Variants in GALNS observed in about 807,000 individuals in gnomAD.
The protein encoded by GALNS is galactosamine (N-acetyl)-6-sulfatase, also known as N-acetylgalactosamine-6-sulfatase.
A neutral mutation model predicts 65.9 loss-of-function variants in GALNS; 65 were observed. The observed-to-expected ratio is 0.99, with a 90% confidence interval of 0.81 to 1.21. The LOEUF is 1.21. Ranked by LOEUF, GALNS falls within the 50% of genes most tolerant of loss-of-function variation. GALNS has a pLI of 0.00. For synonymous variants in GALNS, 346 were observed against 288.9 expected, an observed-to-expected ratio of 1.20 and a Z score of -2.00; for missense variants, 776 against 700.7, an observed-to-expected ratio of 1.11 and a Z score of -1.21.
rs1448486241 is a variant in GALNS at position 88,826,995 on chromosome 16, AG to A, written c.1003-158del. ...ACAGCAGGGACTGAGCGGGGTCACA[AG>A]GCCTGTGAGAGACAGAGGAGCCTCA... On this transcript the variant is annotated intron_variant, in intron 9 of 13. Transcript: ENST00000268695. The A allele has an allele frequency of 7.0e-5, 63 of 893,676 alleles. No homozygotes were observed. In the African/African-American group the frequency reaches 9.4e-4, roughly 13 times the overall value. 55.4% of individuals were successfully genotyped at this position (893,676 alleles called of 1,614,324 possible).
rs2303269 is a variant in GALNS, at chr16:88,824,832, C to A, written c.1177G>T (p.Ala393Ser). 84,085 of 1,613,270 alleles carry A rather than the reference C, an allele frequency of 0.052. 2,482 individuals carry two copies. Among genetic ancestry groups the A allele is most frequent in the South Asian group, 0.089 (8,072 of 91,078 alleles). The change falls in exon 11 of 14, where the codon GCC (alanine) becomes TCC (serine). Residue 393 changes from alanine to serine, a missense_variant. Physicochemically the swap from Ala to Ser is moderately conservative, Grantham distance 99 (BLOSUM62 1). Coordinates refer to ENST00000268695, the MANE Select transcript of GALNS (RefSeq NM_000512.5). ...FYYRGDTLMA[A>S]TLGQHKAHFW... The stretch of plus-strand genomic sequence containing the variant: ...TGAGCCTTGTGCTGCCCGAGGGTGG[C>A]CGCCATCAGCGTGTCGCCACGGTAA...
rs775732598 is a variant in GALNS, at chr16:88,837,686, C to T, written c.502G>A (p.Gly168Arg). The change falls in exon 5 of 14, where the codon GGA becomes AGA. Residue 168 changes from glycine to arginine, a missense_variant. By Grantham distance (125) the Gly-to-Arg change is moderately radical. Transcript: ENST00000268695. ...EWFGSPNCHF[G>R]PYDNKARPNI... ...GGCCTGGCCTTGTTGTCATAAGGTCCAAAGTGGCAGTTGGGGGATCCAAAC... is the reference window on the plus strand; with the variant it reads ...GGCCTGGCCTTGTTGTCATAAGGTCTAAAGTGGCAGTTGGGGGATCCAAAC... 5.6e-6 allele frequency: 9 copies of T among 1,613,948 alleles called. No homozygotes were observed. The Admixed American group carries it at 8.3e-5, about 15-fold the overall frequency.
Position 88,842,727 on chromosome 16 carries a change from C to A in GALNS, c.223G>T (p.Ala75Ser), listed in dbSNP as rs1423965107. 6.2e-7 allele frequency: 1 copy of A among 1,612,890 alleles called. No homozygotes were observed. Among genetic ancestry groups the A allele is most frequent in the Non-Finnish European group, 8.5e-7 (1 of 1,179,736 alleles). ...EGLLFPNFYS[A>S]NPLCSPSRAA... ...TTACATGGCGAGCACAGAGGGTTGGCAGAATAGAAGTTTGGGAAAAGCAGC... is the reference window on the plus strand; with the variant it reads ...TTACATGGCGAGCACAGAGGGTTGGAAGAATAGAAGTTTGGGAAAAGCAGC... Residue 75 changes from alanine to serine, a missense_variant, in exon 2 of 14, where the codon GCC becomes TCC. Coordinates refer to ENST00000268695, the MANE Select transcript of GALNS (RefSeq NM_000512.5).
At chr16:88,840,377 G>C (rs974169378) in intron 4 of GALNS, 2 of 156,498 alleles carry the variant, frequency 1.3e-5, no homozygotes, top group South Asian at 1.9e-4. Flanking sequence ...GCTCCAACAA[G>C]TGGAGAGAAA....
chr16:88,827,337 G>A (rs1187597891), intron 9 of GALNS, among the ~76,000 whole-genome samples: 1 of 152,184 alleles, frequency 6.6e-6, no homozygotes, highest in Non-Finnish European at 1.5e-5. Context: ...ACAGGCAGGA[G>A]GCTGTCTTTC....
intron 3 of GALNS, 64 bp downstream of exon 3, chr16:88,841,833 A>AC (rs989137161): frequency 5.5e-5 from 78 of 1,430,644 alleles, no homozygotes; most frequent in African/African-American, 8.5e-5. Flanking sequence ...CACGGGCACC[A>AC]CCCGTAGCCC....
intron 3 of GALNS, 73 bp from the exon 4 acceptor site, chr16:88,841,167 C>G: frequency 8.6e-7 from 1 of 1,163,490 alleles, no homozygotes; most frequent in Non-Finnish European, 1.3e-6. Flanking sequence ...TAACAGGACA[C>G]TGGGGGCTGC....
At chr16:88,824,732 C>A (rs991922600) in intron 11 of GALNS, 35 bp downstream of exon 11, 1 of 1,569,948 alleles carries the variant, frequency 6.4e-7, no homozygotes, top group African/African-American at 1.4e-5. Flanking sequence ...GAGATGGGGG[C>A]AGCTCCGCCT....
At chr16:88,842,263 A>G (rs1967010500) in intron 2 of GALNS, 1 of 558,182 alleles carries the variant, frequency 1.8e-6, no homozygotes, top group Non-Finnish European at 3.2e-6. Context: ...GCAGGTCCAC[A>G]CGCCCCCATC....
At position 88,835,864 on chromosome 16, in the gene GALNS, A is replaced by C; in HGVS notation, c.634-15T>G. 1 of 1,613,872 alleles carries C rather than the reference A, an allele frequency of 6.2e-7. No individual in the cohort carries two copies. Among genetic ancestry groups the C allele is most frequent in the Admixed American group, 1.7e-5 (1 of 60,026 alleles). On this transcript the variant is annotated splice_polypyrimidine_tract_variant and intron_variant, in intron 6 of 13. Transcript: ENST00000268695. ...TCCAGGGCTTCCTATGGAGAGAGCC[A>C]CACCGTCGTCCTCCAGCCTCAGGCC... is the stretch of plus-strand genomic sequence containing the variant.
intron 13 of GALNS, chr16:88,815,434 G>A (rs537918262): frequency 4.0e-5 from 39 of 985,372 alleles, no homozygotes; most frequent in South Asian, 4.7e-5. Flanking sequence ...AGTTCAGTGC[G>A]GTGCTGAGCG....
In GALNS at chr16:88,822,664, T is replaced by C. The variant is rs1483025990; in HGVS notation, c.1289A>G (p.His430Arg). 1.9e-6 allele frequency: 3 copies of C among 1,612,986 alleles called. No homozygotes were observed. Among genetic ancestry groups the C allele is most frequent in the Non-Finnish European group, 2.5e-6 (3 of 1,179,802 alleles). ...CAGCTTCGTGTGGTCTTCCAGATTGTGAGTTGTGACCCCTGAAACGTTCTG... is the reference window on the plus strand; with the variant it reads ...CAGCTTCGTGTGGTCTTCCAGATTGCGAGTTGTGACCCCTGAAACGTTCTG... ...PGQNVSGVTTHNLEDHTKLPL... is the reference protein window; with the variant it reads ...PGQNVSGVTTRNLEDHTKLPL... Residue 430 changes from histidine (H) to arginine (R), a missense_variant, in exon 12 of 14, where the codon CAC (histidine) becomes CGC (arginine). Transcript: ENST00000268695.
intron 1 of GALNS, chr16:88,856,211 G>C (rs924931301): frequency 1.4e-6 from 1 of 703,022 alleles, no homozygotes; most frequent in Non-Finnish European, 2.6e-6. Context: ...CCTGACCTTC[G>C]CTCAGCATTC....
intron 9 of GALNS, 106 bp downstream of exon 9, chr16:88,831,892 A>C (rs559754709): frequency 3.8e-5 from 32 of 852,778 alleles, no homozygotes; most frequent in South Asian, 1.4e-4. Context: ...AGCGGTGAGG[A>C]TGAGCACGGG....
chr16:88,835,227 G>A lies in GALNS; in HGVS notation c.884C>T (p.Ser295Phe), dbSNP rs149239881. 23 of 1,592,366 alleles carry A rather than the reference G, an allele frequency of 1.4e-5. No individual in the cohort carries two copies. The highest frequency in any genetic ancestry group is 1.9e-5 in the Non-Finnish European group (22 of 1,168,334). Reference protein sequence around the residue: ...FTSDNGAALISAPEQGGSNGP... With the variant: ...FTSDNGAALIFAPEQGGSNGP... ...CGAGCACTCACCTTGTTCGGGGGCG[G>A]AAATGAGGGCAGCGCCGTTGTCCGA... is the stretch of plus-strand genomic sequence containing the variant. The change falls in exon 8 of 14, where the codon TCC becomes TTC. Residue 295 changes from serine to phenylalanine, a missense_variant. Coordinates refer to ENST00000268695, the MANE Select transcript of GALNS (RefSeq NM_000512.5).
chr16:88,852,291 C>T (rs929267889), intron 1 of GALNS, among the ~76,000 whole-genome samples: 2 of 152,168 alleles, frequency 1.3e-5, no homozygotes, highest in East Asian at 3.8e-4. Flanking sequence ...AGCTGAGGGA[C>T]CTGACTCTTA....
At chr16:88,815,983 TGGC>T in intron 13 of GALNS, 3 of 985,300 alleles carry the variant, frequency 3.0e-6, no homozygotes, top group Non-Finnish European at 3.6e-6. Context: ...GGCCTGGAGT[TGGC>T]GGGGACAGAG....
At chr16:88,818,631 T>C (rs1018212128) in intron 12 of GALNS, among the ~76,000 whole-genome samples, 1 of 152,224 alleles carries the variant, frequency 6.6e-6, no homozygotes, top group African/African-American at 2.4e-5. Flanking sequence ...TTCACGAAGA[T>C]ACGATTACAC....
chr16:88,842,804 T>A lies in GALNS; in HGVS notation c.146A>T (p.Tyr49Phe), dbSNP rs1354518201. The A allele has an allele frequency of 6.2e-7, 1 of 1,613,420 alleles. No individual in the cohort carries two copies. The highest frequency in any genetic ancestry group is 2.2e-5 in the East Asian group (1 of 44,864). ...CGGGGTCTCTCTGGAGGGCTCTCCA[T>A]ACACCCCGAGGTCACCCCATCCCAT... ...DDMGWGDLGV[Y>F]GEPSRETPNL... Residue 49 changes from tyrosine to phenylalanine, a missense_variant, in exon 2 of 14, where the codon TAT (tyrosine) becomes TTT (phenylalanine). By Grantham distance (22) the Tyr-to-Phe change is conservative (BLOSUM62 3). Coordinates refer to ENST00000268695, the MANE Select transcript of GALNS (RefSeq NM_000512.5).
Sources: gnomAD v4.1 joint callset for allele counts (sites outside exome capture counted in the v4.1 genomes callset) on GRCh38, gnomAD v4.1.1 for gene constraint, MANE v1.5 for transcripts, NCBI Gene and HGNC (gene_info 2026-07-23, HGNC 2026-07-21) for gene names.